The following EEFSEC variants were observed in gnomAD, a reference collection of about 807,000 sequenced individuals.
EEFSEC encodes eukaryotic elongation factor, selenocysteine-tRNA specific, also known as selenocysteine-specific elongation factor.
Under a neutral mutation model 42.1 loss-of-function variants are expected in EEFSEC, and 43 were observed. That is an observed-to-expected ratio of 1.02 (90% CI 0.80 to 1.32). EEFSEC has a LOEUF of 1.32. Among genes scored for constraint, EEFSEC ranks in the 40% most tolerant of loss-of-function variants. EEFSEC has a pLI of 0.00. For missense variants in EEFSEC, 745 were observed against 803.6 expected (o/e 0.93, Z 0.88); for synonymous variants, 354 against 339.1 (o/e 1.04, Z -0.48).
intron 4 of EEFSEC, among the ~76,000 whole-genome samples, chr3:128,324,718 TC>T (rs1184577798): frequency 6.6e-6 from 1 of 152,260 alleles, no homozygotes; most frequent in Non-Finnish European, 1.5e-5. Flanking sequence ...CTTTGCATGG[TC>T]TGGCTGTACC....
chr3:128,326,678 G>A (rs2067067194), intron 4 of EEFSEC, among the ~76,000 whole-genome samples: 1 of 152,194 alleles, frequency 6.6e-6, no homozygotes, highest in African/African-American at 2.4e-5. Flanking sequence ...CCTCAGAGTA[G>A]ACTGTCAGTC....
chr3:128,329,578 G>A (rs544212724), intron 4 of EEFSEC, among the ~76,000 whole-genome samples: 1 of 152,340 alleles, frequency 6.6e-6, no homozygotes, highest in East Asian at 1.9e-4. Context: ...AGGCTGGAAG[G>A]ACGAGGAGGG....
chr3:128,340,946 G>A (rs1003003535), intron 4 of EEFSEC, among the ~76,000 whole-genome samples: 2 of 152,236 alleles, frequency 1.3e-5, no homozygotes, highest in Non-Finnish European at 2.9e-5. Flanking sequence ...AACTAAGGTA[G>A]TCAGGGATTT....
chr3:128,237,145 A>G (rs868639449), intron 1 of EEFSEC, among the ~76,000 whole-genome samples: 1 of 152,242 alleles, frequency 6.6e-6, no homozygotes, highest in Non-Finnish European at 1.5e-5. Flanking sequence ...TTGAAATATT[A>G]AGGAAAACAG....
At chr3:128,201,158 C>T (rs1460956654) in intron 1 of EEFSEC, among the ~76,000 whole-genome samples, 2 of 151,898 alleles carry the variant, frequency 1.3e-5, no homozygotes, top group African/African-American at 4.8e-5. Flanking sequence ...TTCCATTTTC[C>T]TTCAGTGCAT....
chr3:128,207,604 C>CACACACAT (rs60361142), intron 1 of EEFSEC, among the ~76,000 whole-genome samples: 29 of 150,132 alleles, frequency 1.9e-4, no homozygotes, highest in African/African-American at 6.8e-4. Context: ...CACACACACA[C>CACACACAT]GCTTAACAAG....
At chr3:128,377,862 C>G (rs554804899) in intron 6 of EEFSEC, among the ~76,000 whole-genome samples, 2 of 152,346 alleles carry the variant, frequency 1.3e-5, no homozygotes, top group East Asian at 3.9e-4. Context: ...TTCTCTACCC[C>G]TCACCAGCAC....
intron 4 of EEFSEC, among the ~76,000 whole-genome samples, chr3:128,310,799 A>T (rs1332088067): frequency 6.6e-6 from 1 of 152,216 alleles, no homozygotes; most frequent in African/African-American, 2.4e-5. Context: ...AGTAGTGCTC[A>T]GGCTCTGGAG....
intron 1 of EEFSEC, among the ~76,000 whole-genome samples, chr3:128,202,959 T>A (rs987864246): frequency 2.0e-5 from 3 of 152,234 alleles, no homozygotes; most frequent in Admixed American, 2.0e-4. Context: ...TTATACTGAT[T>A]GATTTTTTTG....
chr3:128,227,617 G>T (rs1025632596), intron 1 of EEFSEC, among the ~76,000 whole-genome samples: 9 of 152,222 alleles, frequency 5.9e-5, no homozygotes, highest in African/African-American at 9.6e-5. Flanking sequence ...AAGAGTTGGT[G>T]AGAGCGGCAT....
the EEFSEC span, among the ~76,000 whole-genome samples, chr3:128,421,258 C>T: frequency 6.6e-6 from 1 of 152,352 alleles, no homozygotes; most frequent in Non-Finnish European, 1.5e-5. Flanking sequence ...TCTGAGCAAG[C>T]TGGACCTGCC....
chr3:128,317,746 G>A lies in EEFSEC; in HGVS notation c.787-23487G>A, dbSNP rs1221204599. On this transcript the variant is annotated intron_variant, in intron 4 of 6. Transcript: ENST00000254730. This position sits in a 1 kb window ranked among gnomAD's most constrained non-coding sequence, Gnocchi z 4.1. ...TGTGCTCACGTACCATTCTCTCGCC[G>A]GCTGCTGACCAGTTGGGCCCTCTGC... 6.6e-6 allele frequency among the ~76,000 whole-genome samples: 1 copy of A among 152,180 alleles called. No individual in the cohort carries two copies. Among genetic ancestry groups the A allele is most frequent in the African/African-American group, 2.4e-5 (1 of 41,442 alleles).
intron 6 of EEFSEC, among the ~76,000 whole-genome samples, chr3:128,372,179 G>A (rs776510149): frequency 1.1e-4 from 16 of 152,232 alleles, no homozygotes; most frequent in Non-Finnish European, 1.8e-4. Context: ...GCAGTGGAAA[G>A]TGGAACTTGC....
At chr3:128,396,694 G>A (rs1032940962) in intron 6 of EEFSEC, among the ~76,000 whole-genome samples, 1 of 152,184 alleles carries the variant, frequency 6.6e-6, no homozygotes, top group African/African-American at 2.4e-5. Context: ...GCAAGTTCCT[G>A]AGTGCTCTGT....
intron 5 of EEFSEC, among the ~76,000 whole-genome samples, chr3:128,343,009 A>C (rs2067272820): frequency 6.6e-6 from 1 of 152,194 alleles, no homozygotes; most frequent in Non-Finnish European, 1.5e-5. Flanking sequence ...CTGGGCTTTG[A>C]CTGGCTTAAA....
intron 4 of EEFSEC, among the ~76,000 whole-genome samples, chr3:128,267,356 T>C (rs2066365442): frequency 6.6e-6 from 1 of 152,206 alleles, no homozygotes. Flanking sequence ...GCTTGGCAGA[T>C]ACAAATTTAA....
chr3:128,392,733 G>A (rs752425320), intron 6 of EEFSEC, among the ~76,000 whole-genome samples: 11 of 152,216 alleles, frequency 7.2e-5, no homozygotes, highest in Non-Finnish European at 1.5e-4. Context: ...TCACCCCTGA[G>A]CCTACTTGTG....
intron 4 of EEFSEC, among the ~76,000 whole-genome samples, chr3:128,275,209 G>A (rs1265387994): frequency 6.6e-6 from 1 of 152,222 alleles, no homozygotes. Context: ...GCCAGTGTCA[G>A]AGCCCCAGCT....
intron 5 of EEFSEC, among the ~76,000 whole-genome samples, chr3:128,351,639 C>G (rs542019848): frequency 3.3e-5 from 5 of 152,330 alleles, no homozygotes; most frequent in African/African-American, 4.8e-5. Context: ...CAAGCCTCAT[C>G]ATGGGAGCCA....
Sources: gnomAD v4.1 joint callset for allele counts (sites outside exome capture counted in the v4.1 genomes callset) on GRCh38, gnomAD v4.1.1 for gene constraint, Gnocchi (gnomAD v3.1) non-coding constraint, MANE v1.5 for transcripts, NCBI Gene and HGNC (gene_info 2026-07-23, HGNC 2026-07-21) for gene names.